CACNA1C: variants seen among roughly 807,000 people sequenced by gnomAD.
The protein encoded by CACNA1C is calcium voltage-gated channel subunit alpha1 C, also known as voltage-dependent L-type calcium channel subunit alpha-1C.
In CACNA1C, 30 loss-of-function variants were observed where a neutral mutation model predicts 229.0. The ratio of observed to expected loss-of-function variants is 0.13; its 90% CI spans 0.10 to 0.18. The LOEUF is 0.18. Ranked by LOEUF, CACNA1C falls within the 10% of genes least tolerant of loss-of-function variation. CACNA1C has a pLI of 1.00. For synonymous variants in CACNA1C, 1,114 were observed against 1,132.5 expected (o/e 0.98, Z 0.33); for missense variants, 1,658 against 2,845.0 (o/e 0.58, Z 9.49).
intron 3 of CACNA1C, among the ~76,000 whole-genome samples, chr12:2,279,378 A>AT (rs1363085221): frequency 6.6e-6 from 1 of 152,122 alleles, no homozygotes; most frequent in Non-Finnish European, 1.5e-5. Context: ...CATCTTTGTG[A>AT]TTTTTCATAG....
At chr12:2,299,776 G>A (rs1411827915) in intron 3 of CACNA1C, among the ~76,000 whole-genome samples, 3 of 152,016 alleles carry the variant, frequency 2.0e-5, no homozygotes, top group Non-Finnish European at 2.9e-5. Flanking sequence ...TTGGTCATCT[G>A]ATGGCCCTAG....
At chr12:2,125,593 G>T (rs2089673091) in intron 3 of CACNA1C, among the ~76,000 whole-genome samples, 2 of 152,188 alleles carry the variant, frequency 1.3e-5, no homozygotes, top group African/African-American at 4.8e-5. Flanking sequence ...CTCAACCCCT[G>T]TGGCATAAGT....
At chr12:2,127,249 C>T (rs924627120) in intron 3 of CACNA1C, among the ~76,000 whole-genome samples, 7 of 152,182 alleles carry the variant, frequency 4.6e-5, no homozygotes, top group Admixed American at 1.3e-4. Context: ...GGACCACCAC[C>T]GCAAGTTCTG....
intron 29 of CACNA1C, among the ~76,000 whole-genome samples, chr12:2,615,592 G>A (rs1049529746): frequency 2.0e-5 from 1 of 49,182 alleles, no homozygotes; most frequent in Non-Finnish European, 9.6e-5. Context: ...GGCAGGAGAG[G>A]GAGCCACACG....
intron 9 of CACNA1C, among the ~76,000 whole-genome samples, chr12:2,532,868 C>T (rs2099844394): frequency 6.6e-6 from 1 of 152,228 alleles, no homozygotes; most frequent in Non-Finnish European, 1.5e-5. Flanking sequence ...CATTTCAAGT[C>T]GATTTCAGGA....
At chr12:2,587,099 T>G (rs2062807721) in intron 18 of CACNA1C, among the ~76,000 whole-genome samples, 1 of 152,238 alleles carries the variant, frequency 6.6e-6, no homozygotes, top group Non-Finnish European at 1.5e-5. Context: ...GAAAGTAGTT[T>G]TGTTAATCTT....
At chr12:2,586,860 T>C (rs1297282354) in intron 18 of CACNA1C, among the ~76,000 whole-genome samples, 1 of 152,162 alleles carries the variant, frequency 6.6e-6, no homozygotes, top group African/African-American at 2.4e-5. Flanking sequence ...TCCTGGAGCT[T>C]GGATAGAAAG....
intron 3 of CACNA1C, among the ~76,000 whole-genome samples, chr12:2,189,024 C>A (rs903224894): frequency 1.5e-5 from 2 of 134,302 alleles, no homozygotes; most frequent in Non-Finnish European, 3.1e-5. Context: ...ACCCAGGAGG[C>A]GGAGCTTGCA....
At chr12:2,438,310 GGTT>G (rs2099170479) in intron 3 of CACNA1C, among the ~76,000 whole-genome samples, 1 of 147,244 alleles carries the variant, frequency 6.8e-6, no homozygotes, top group African/African-American at 2.5e-5. Context: ...TGGTGGTGGT[GGTT>G]GTGGTGATGG....
chr12:2,040,289 C>T (rs1367678080), intron 1 of CACNA1C, among the ~76,000 whole-genome samples: 1 of 152,068 alleles, frequency 6.6e-6, no homozygotes, highest in Non-Finnish European at 1.5e-5. Flanking sequence ...ACTCTTTTAA[C>T]ATTGAACTGC....
In CACNA1C at chr12:2,383,264, C is replaced by A. The variant is rs181585603; in HGVS notation, c.478-65712C>A. Among the ~76,000 whole-genome samples, 5 of 152,294 alleles carry A rather than the reference C, an allele frequency of 3.3e-5. No individual in the cohort carries two copies. The East Asian group carries it at 7.7e-4, about 24-fold the overall frequency. ...AAGGGTGGGTGGGAGCAAAGGCAAACAAGAGCAGTGGAGACTAAAGCGGGT... is the reference window on the plus strand; with the variant it reads ...AAGGGTGGGTGGGAGCAAAGGCAAAAAAGAGCAGTGGAGACTAAAGCGGGT... On this transcript the variant is annotated intron_variant, in intron 3 of 46. Transcript: ENST00000399655.
chr12:2,194,334 GTGCTCTTCCTCCCTCTCCTCCTCCTCCC>G (rs1164265676), intron 3 of CACNA1C, among the ~76,000 whole-genome samples: 3 of 145,878 alleles, frequency 2.1e-5, no homozygotes, highest in African/African-American at 5.1e-5. Context: ...CTCCTCCTCT[GTGCTCTTCCTCCCTCTCCTCCTCCTCCC>G]TGCTCTTCCC....
In CACNA1C at chr12:2,559,678, TC is replaced by T. The variant is rs1176304789; in HGVS notation, c.1508+2702del. 5.3e-5 allele frequency among the ~76,000 whole-genome samples: 8 copies of T among 152,336 alleles called. No homozygotes were observed. In the East Asian group the frequency reaches 1.3e-3, roughly 26 times the overall value. ...CTTTGAGAGGCCCAGGTCACAGGGC[TC>T]TAGTATGGCTGAGTCAGAGCTCATA... On this transcript the variant is annotated intron_variant, in intron 11 of 46. Coordinates refer to ENST00000399655, the MANE Select transcript of CACNA1C (RefSeq NM_000719.7).
intron 3 of CACNA1C, among the ~76,000 whole-genome samples, chr12:2,324,388 C>T (rs1209839276): frequency 6.6e-6 from 1 of 152,194 alleles, no homozygotes; most frequent in African/African-American, 2.4e-5. Context: ...GGACAAGCCG[C>T]GCCCTTGCTG....
chr12:2,290,895 A>G (rs752129579), intron 3 of CACNA1C, among the ~76,000 whole-genome samples: 9 of 152,220 alleles, frequency 5.9e-5, no homozygotes, highest in Non-Finnish European at 1.0e-4. Flanking sequence ...TGCTGTCTGG[A>G]CTGCTCTAAA....
chr12:2,095,862 T>C (rs1227452823), intron 1 of CACNA1C, among the ~76,000 whole-genome samples: 1 of 152,240 alleles, frequency 6.6e-6, no homozygotes, highest in Admixed American at 6.5e-5. Context: ...GGATGGAGGC[T>C]GTGTGCTTCT....
rs1468468672 is a variant in CACNA1C, at chr12:2,054,090, C to T, written c.49+479C>T. 4.0e-4 allele frequency among the ~76,000 whole-genome samples: 60 copies of T among 149,306 alleles called. 4 individuals are homozygous for T. Among genetic ancestry groups the T allele is most frequent in the Non-Finnish European group, 4.5e-5 (3 of 67,138 alleles). ...CAGAGCCCGGCGCCCACGGCCGCCC[C>T]TGGGGCGCCCTCGCGCTGCCCGGCG... On this transcript the variant is annotated intron_variant, in intron 1 of 46. Transcript: ENST00000399655. The surrounding 1 kb of genome is among the most constrained non-coding windows in gnomAD (Gnocchi z 5.5).
At chr12:2,427,766 C>T (rs2099046551) in intron 3 of CACNA1C, among the ~76,000 whole-genome samples, 1 of 152,106 alleles carries the variant, frequency 6.6e-6, no homozygotes, top group Non-Finnish European at 1.5e-5. Flanking sequence ...GAATTACACA[C>T]ATGTACACCA....
intron 3 of CACNA1C, among the ~76,000 whole-genome samples, chr12:2,159,993 G>A (rs888892137): frequency 2.2e-4 from 34 of 152,106 alleles, no homozygotes; most frequent in African/African-American, 8.0e-4. Context: ...TTATGTGCTG[G>A]GCATTGAGGC....
Sources: allele counts gnomAD v4.1 joint callset (sites outside exome capture counted in the v4.1 genomes callset), GRCh38; gene constraint gnomAD v4.1.1; non-coding constraint Gnocchi (gnomAD v3.1); transcripts MANE v1.5; gene names NCBI Gene and HGNC (gene_info 2026-07-23, HGNC 2026-07-21).